Variants in VMA21 observed in about 807,000 individuals in gnomAD.
The protein encoded by VMA21 is vacuolar ATPase assembly integral membrane protein VMA21.
For synonymous variants in VMA21, 47 were observed against 34.1 expected (o/e 1.38, Z -1.32); for missense variants, 61 against 80.6 (o/e 0.76, Z 0.93).
chrX:151,402,719 C>T (rs780975507), intron 1 of VMA21, among the ~76,000 whole-genome samples: 6 of 113,009 alleles, frequency 5.3e-5, no homozygotes, highest in Non-Finnish European at 9.4e-5. Context: ...CTACCTCCTT[C>T]AGTGGTCTGG....
chrX:151,399,549 G>T (rs1264748338), intron 1 of VMA21, among the ~76,000 whole-genome samples: 1 of 111,523 alleles, frequency 9.0e-6, no homozygotes. Flanking sequence ...TTTTTAGGGT[G>T]CACAAAAGAA....
In VMA21 at chrX:151,408,935, C is replaced by T. The variant is rs917269636; in HGVS notation, c.*3877C>T. ...GTTATACAGAGTAGTCTTCCTTTTC[C>T]CCACGTTCAGTGTAATCTCACTGAA... On this transcript the variant is annotated 3_prime_UTR_variant, in exon 3 of 3. Transcript: ENST00000330374. The T allele has an allele frequency of 2.7e-5, 3 of 112,576 alleles. No homozygotes were observed. Among genetic ancestry groups the T allele is most frequent in the African/African-American group, 9.7e-5 (3 of 30,885 alleles). The allele number at this position is 112,576 out of a possible 1,213,427, so 9.3% of individuals were successfully genotyped here.
intron 1 of VMA21, among the ~76,000 whole-genome samples, chrX:151,397,650 C>G (rs937446407): frequency 2.7e-5 from 3 of 112,850 alleles, no homozygotes; most frequent in Non-Finnish European, 5.6e-5. Context: ...CAGTCTCTTT[C>G]ATTACCGCAG....
intron 2 of VMA21, 53 bp from the exon 3 acceptor site, chrX:151,404,863 G>A: frequency 9.9e-7 from 1 of 1,012,529 alleles, no homozygotes; most frequent in South Asian, 2.5e-5. Context: ...TTTTTTTTTT[G>A]TACTTTGGTA....
chrX:151,404,993 G>C lies in VMA21; in HGVS notation c.241G>C (p.Ala81Pro), dbSNP rs1468381367. The C allele has an allele frequency of 8.3e-7, 1 of 1,208,822 alleles. No homozygotes were observed. The highest frequency in any genetic ancestry group is 1.8e-5 in the African/African-American group (1 of 56,814). The change falls in exon 3 of 3, where the codon GCC (alanine) becomes CCC (proline). Residue 81 changes from alanine to proline, a missense_variant. Ala to Pro is a conservative substitution (Grantham distance 27). Coordinates refer to ENST00000330374, the MANE Select transcript of VMA21 (RefSeq NM_001017980.4). ...AGTGGTCGCCGTCCATGTGGTGCTG[G>C]CCCTCTTTGTGTATGTGGCCTGGAA... is the stretch of plus-strand genomic sequence containing the variant. ...VAVVAVHVVL[A>P]LFVYVAWNEG...
Position 151,405,174 on chromosome X carries a change from C to A in VMA21, c.*116C>A. ...CATGTTAAAGTCAGTCTTAAGGAGT[C>A]ACGTTTGAGTATGTAAATTTTGATC... is the stretch of plus-strand genomic sequence containing the variant. On this transcript the variant is annotated 3_prime_UTR_variant, in exon 3 of 3. Coordinates refer to ENST00000330374, the MANE Select transcript of VMA21 (RefSeq NM_001017980.4). The A allele has an allele frequency of 2.3e-6, 2 of 876,094 alleles. No individual in the cohort carries two copies. Among genetic ancestry groups the A allele is most frequent in the South Asian group, 2.3e-5 (1 of 42,561 alleles). The allele number at this position is 876,094 out of a possible 1,213,427, so 72.2% of individuals were successfully genotyped here.
intron 1 of VMA21, among the ~76,000 whole-genome samples, chrX:151,398,357 C>T (rs1405939583): frequency 9.2e-6 from 1 of 108,634 alleles, no homozygotes; most frequent in Non-Finnish European, 1.9e-5. Flanking sequence ...CCAGCCTCCA[C>T]CCTCAAGTAG....
At chrX:151,398,422 C>T (rs972152795) in intron 1 of VMA21, among the ~76,000 whole-genome samples, 1 of 109,728 alleles carries the variant, frequency 9.1e-6, no homozygotes, top group Non-Finnish European at 1.9e-5. Flanking sequence ...TTGTTTAGTT[C>T]CCACTTATGA....
upstream of VMA21, chrX:151,397,066 T>A (rs748165835): frequency 3.3e-4 from 154 of 467,963 alleles, no homozygotes; most frequent in African/African-American, 3.0e-3. Context: ...CGGTAAGTCA[T>A]GTGAGCGCCC....
chrX:151,397,435 G>C, intron 1 of VMA21, 74 bp downstream of exon 1: 3 of 1,090,984 alleles, frequency 2.7e-6, no homozygotes, highest in Non-Finnish European at 3.7e-6. Flanking sequence ...GAAGGCCCTA[G>C]CTGAATGGGT....
chrX:151,407,677 T>C lies in VMA21; in HGVS notation c.*2619T>C, dbSNP rs176454. 5.4e-5 allele frequency: 6 copies of C among 111,895 alleles called. No individual in the cohort carries two copies. Among genetic ancestry groups the C allele is most frequent in the Non-Finnish European group, 7.5e-5 (4 of 53,162 alleles). 9.2% of individuals were successfully genotyped at this position (111,895 alleles called of 1,213,427 possible). On this transcript the variant is annotated 3_prime_UTR_variant, in exon 3 of 3. Transcript: ENST00000330374. ...TCCTGTTTGGCCCTGGAGAATGTAG[T>C]CCTTTTTCTCATTTGTGTTGAGAAA...
rs943126958 is a variant in VMA21, at chrX:151,408,266, G to A, written c.*3208G>A. On this transcript the variant is annotated 3_prime_UTR_variant, in exon 3 of 3. Coordinates refer to ENST00000330374, the MANE Select transcript of VMA21 (RefSeq NM_001017980.4). ...GAAACAACCAATTGACTTGTTTGGC[G>A]TTTGTTTTCCATTTTCATGTCAATT... 4.5e-5 allele frequency: 5 copies of A among 111,570 alleles called. No individual in the cohort carries two copies. The highest frequency in any genetic ancestry group is 9.8e-5 in the African/African-American group (3 of 30,693). 9.2% of individuals were successfully genotyped at this position (111,570 alleles called of 1,213,427 possible). A position where few individuals can be genotyped will look rare whatever the true frequency, so the allele number is the denominator to read the frequency against.
intron 1 of VMA21, 53 bp from the exon 2 acceptor site, chrX:151,403,578 G>A (rs1055375798): frequency 6.6e-6 from 6 of 902,272 alleles, no homozygotes; most frequent in South Asian, 2.0e-5. Flanking sequence ...ACATAAGAGC[G>A]TTTGGATATG....
rs2011296656 is a variant in VMA21, at chrX:151,406,680, C to CT, written c.*1624dup. On this transcript the variant is annotated 3_prime_UTR_variant, in exon 3 of 3. Transcript: ENST00000330374. ...ACAGGCGTGAGCTACCACGCCCGGC[C>CT]TTATTGACCATTTTCTAAATAAGCA... 1 of 112,087 alleles carries CT rather than the reference C, an allele frequency of 8.9e-6. No homozygotes were observed. The highest frequency in any genetic ancestry group is 2.8e-4 in the East Asian group (1 of 3,589). 9.2% of individuals were successfully genotyped at this position (112,087 alleles called of 1,213,427 possible).
rs986357881 is a variant in VMA21, at chrX:151,406,414, T to A, written c.*1356T>A. On this transcript the variant is annotated 3_prime_UTR_variant, in exon 3 of 3. Coordinates refer to ENST00000330374, the MANE Select transcript of VMA21 (RefSeq NM_001017980.4). ...TTTTTTGAGACAGAGTTTTGCTCTG[T>A]TGCCCAGGCTGGAGTGCAGTGGTGC... is the stretch of plus-strand genomic sequence containing the variant. 9.0e-6 allele frequency: 1 copy of A among 111,369 alleles called. No homozygotes were observed. Among genetic ancestry groups the A allele is most frequent in the Non-Finnish European group, 1.9e-5 (1 of 53,089 alleles). 9.2% of individuals were successfully genotyped at this position (111,369 alleles called of 1,213,427 possible).
At position 151,405,301 on chromosome X, in the gene VMA21, T is replaced by TAG. The variant is rs1325631863; in HGVS notation, c.*245_*246dup. The TAG allele has an allele frequency of 9.0e-6, 3 of 331,999 alleles. No homozygotes were observed. Among genetic ancestry groups the TAG allele is most frequent in the Non-Finnish European group, 1.6e-5 (3 of 192,080 alleles). The allele number at this position is 331,999 out of a possible 1,213,427, so 27.4% of individuals were successfully genotyped here. On this transcript the variant is annotated 3_prime_UTR_variant, in exon 3 of 3. Coordinates refer to ENST00000330374, the MANE Select transcript of VMA21 (RefSeq NM_001017980.4). The stretch of plus-strand genomic sequence containing the variant: ...TTACAAAGAAATATGTTAATTTAAT[T>TAG]AGACAATACTCTGGAAGGAATTTTA...
chrX:151,402,568 G>T (rs1485751849), intron 1 of VMA21, among the ~76,000 whole-genome samples: 1 of 113,018 alleles, frequency 8.8e-6, no homozygotes, highest in Non-Finnish European at 1.9e-5. Context: ...TAGTTTTCTT[G>T]CTGTGTCTGT....
At chrX:151,402,327 A>G (rs2011243225) in intron 1 of VMA21, among the ~76,000 whole-genome samples, 1 of 111,491 alleles carries the variant, frequency 9.0e-6, no homozygotes, top group Admixed American at 9.5e-5. Flanking sequence ...GACTATAGGC[A>G]CACGCCACCA....
chrX:151,399,549 G>A (rs1264748338), intron 1 of VMA21, among the ~76,000 whole-genome samples: 1 of 111,523 alleles, frequency 9.0e-6, no homozygotes, highest in Non-Finnish European at 1.9e-5. Context: ...TTTTTAGGGT[G>A]CACAAAAGAA....
Sources: gnomAD v4.1 joint callset for allele counts (sites outside exome capture counted in the v4.1 genomes callset) on GRCh38, gnomAD v4.1.1 for gene constraint, MANE v1.5 for transcripts, NCBI Gene and HGNC (gene_info 2026-07-23, HGNC 2026-07-21) for gene names.